Variants in CHD6 observed in about 807,000 individuals in gnomAD.
CHD6 encodes the protein ATP-dependent chromatin remodeler CHD6.
In CHD6, 50 loss-of-function variants were observed where a neutral mutation model predicts 276.9. The ratio of observed to expected loss-of-function variants is 0.18; its 90% confidence interval spans 0.14 to 0.23. The LOEUF (loss-of-function observed/expected upper bound fraction) is 0.23. Among genes scored for constraint, CHD6 ranks in the 10% least tolerant of loss-of-function variants. The pLI is 1.00. For missense variants in CHD6, 2,564 were observed against 3,365.8 expected (o/e 0.76, Z 5.89); for synonymous variants, 1,173 against 1,229.3 (o/e 0.95, Z 0.96).
intron 16 of CHD6, 57 bp downstream of exon 16, chr20:41,483,251 AT>A: frequency 7.0e-7 from 1 of 1,437,240 alleles, no homozygotes; most frequent in Non-Finnish European, 9.3e-7. Context: ...GATCAAAAAA[AT>A]ATCAAAGGAA....
At chr20:41,602,279 C>T (rs2045781088) in intron 1 of CHD6, among the ~76,000 whole-genome samples, 1 of 152,172 alleles carries the variant, frequency 6.6e-6, no homozygotes. Flanking sequence ...CTTTCCGCTA[C>T]CCCCTCCTCT....
chr20:41,564,569 A>G (rs1233979773), intron 1 of CHD6, among the ~76,000 whole-genome samples: 1 of 152,214 alleles, frequency 6.6e-6, no homozygotes, highest in Non-Finnish European at 1.5e-5. Context: ...AAACTGTTCT[A>G]TATCTTGATT....
chr20:41,477,102 G>A (rs971499147), intron 16 of CHD6, among the ~76,000 whole-genome samples: 1 of 152,052 alleles, frequency 6.6e-6, no homozygotes, highest in Non-Finnish European at 1.5e-5. Flanking sequence ...AGACAGGCAT[G>A]GTGGCCAATG....
intron 1 of CHD6, among the ~76,000 whole-genome samples, chr20:41,615,586 G>A: frequency 6.6e-6 from 1 of 152,214 alleles, no homozygotes; most frequent in East Asian, 1.9e-4. Flanking sequence ...ATACCAGGCG[G>A]GGAAAGGGGA....
intron 1 of CHD6, among the ~76,000 whole-genome samples, chr20:41,575,549 C>CA (rs1367333288): frequency 6.6e-6 from 1 of 152,182 alleles, no homozygotes; most frequent in Non-Finnish European, 1.5e-5. Context: ...CCCATCCACT[C>CA]ACACAGACCA....
chr20:41,460,207 G>C (rs765918209), intron 17 of CHD6, among the ~76,000 whole-genome samples: 2 of 152,208 alleles, frequency 1.3e-5, no homozygotes, highest in African/African-American at 4.8e-5. Flanking sequence ...CTTAGGTTCT[G>C]TTAAAAACAT....
At chr20:41,486,142 G>A (rs753949109) in intron 14 of CHD6, 30 of 152,118 alleles carry the variant, frequency 2.0e-4, no homozygotes, top group Admixed American at 5.2e-4. Context: ...AGAACCTAAA[G>A]AGAAAAGACA....
At chr20:41,424,610 A>G (rs1415437440) in intron 29 of CHD6, among the ~76,000 whole-genome samples, 1 of 152,238 alleles carries the variant, frequency 6.6e-6, no homozygotes, top group African/African-American at 2.4e-5. Context: ...TTTCATCAGA[A>G]AGAGAGATAT....
intron 27 of CHD6, among the ~76,000 whole-genome samples, chr20:41,430,033 A>T (rs976643056): frequency 6.6e-6 from 1 of 152,208 alleles, no homozygotes; most frequent in Admixed American, 6.5e-5. Flanking sequence ...CAGAGCTGGG[A>T]GAAAGAAACA....
At chr20:41,548,087 T>C (rs4810322) in intron 2 of CHD6, among the ~76,000 whole-genome samples, 57,428 of 152,106 alleles carry the variant, frequency 0.38, 13,422 homozygotes, top group African/African-American at 0.64. Context: ...AGGCACTGAA[T>C]TCTCCATCCT....
intron 2 of CHD6, among the ~76,000 whole-genome samples, chr20:41,545,154 A>T (rs528514524): frequency 2.0e-5 from 3 of 152,170 alleles, no homozygotes; most frequent in Non-Finnish European, 2.9e-5. Context: ...TCTCTTCCAC[A>T]GGTCCAGCAA....
At position 41,427,759 on chromosome 20, in the gene CHD6, C is replaced by T. The variant is rs149491517; in HGVS notation, c.4069-1606G>A. 2.2e-3 allele frequency among the ~76,000 whole-genome samples: 339 copies of T among 152,264 alleles called. 1 individual carries two copies. Among genetic ancestry groups the T allele is most frequent in the African/African-American group, 7.9e-3 (328 of 41,560 alleles). On this transcript the variant is annotated intron_variant, in intron 27 of 36. Transcript: ENST00000373233. ...GAAAACCCAGGGCTGATCTACTGTA[C>T]CATTTTGAAGTGGCAGTTAAATATA...
At chr20:41,586,366 G>A (rs564450428) in intron 1 of CHD6, among the ~76,000 whole-genome samples, 7 of 152,230 alleles carry the variant, frequency 4.6e-5, no homozygotes, top group Non-Finnish European at 7.3e-5. Context: ...TCGGGCTAGA[G>A]GCTCACCATT....
chr20:41,438,239 CTCTTT>C (rs1452973980), intron 26 of CHD6, among the ~76,000 whole-genome samples: 1 of 152,188 alleles, frequency 6.6e-6, no homozygotes, highest in Non-Finnish European at 1.5e-5. Context: ...CTAATGTCTT[CTCTTT>C]TGTGAGCTTA....
chr20:41,548,566 T>C (rs1041159443), intron 2 of CHD6, among the ~76,000 whole-genome samples: 1 of 152,208 alleles, frequency 6.6e-6, no homozygotes, highest in African/African-American at 2.4e-5. Flanking sequence ...GGCAATACCA[T>C]GCAGGACATA....
intron 1 of CHD6, among the ~76,000 whole-genome samples, chr20:41,572,798 G>A (rs529756469): frequency 2.0e-5 from 3 of 152,122 alleles, no homozygotes; most frequent in African/African-American, 4.8e-5. Context: ...CCCTAACCCT[G>A]GGAAAAAGGT....
intron 1 of CHD6, among the ~76,000 whole-genome samples, chr20:41,607,478 CTGTT>C (rs1322042951): frequency 2.0e-5 from 3 of 152,166 alleles, no homozygotes; most frequent in Admixed American, 6.6e-5. Context: ...TTTTCAATAA[CTGTT>C]TGCTAAATAA....
rs368238229 is a variant in CHD6 at position 41,413,304 on chromosome 20, C to A, written c.7131+20G>T. 3.7e-5 allele frequency: 58 copies of A among 1,548,686 alleles called. No individual in the cohort carries two copies. The highest frequency in any genetic ancestry group is 5.0e-5 in the Non-Finnish European group (57 of 1,143,674). ...GCAGGAAGTAAACAGTGATCTCAGG[C>A]AGTACCAACAAACACTTACTGCCCC... On this transcript the variant is annotated intron_variant, in intron 35 of 36. Coordinates refer to ENST00000373233, the MANE Select transcript of CHD6 (RefSeq NM_032221.5).
chr20:41,475,572 C>T (rs1216941344), intron 16 of CHD6, among the ~76,000 whole-genome samples: 3 of 152,148 alleles, frequency 2.0e-5, no homozygotes, highest in African/African-American at 7.2e-5. Flanking sequence ...GTAACAGTTA[C>T]AGAAGTTTAG....
Sources: gnomAD v4.1 joint callset for allele counts (sites outside exome capture counted in the v4.1 genomes callset) on GRCh38, gnomAD v4.1.1 for gene constraint, MANE v1.5 for transcripts, NCBI Gene and HGNC (gene_info 2026-07-23, HGNC 2026-07-21) for gene names.